AKAP8: variants seen among roughly 807,000 people sequenced by gnomAD.
AKAP8 encodes A-kinase anchor protein 8.
A neutral mutation model predicts 67.5 loss-of-function variants in AKAP8; 24 were observed. The observed-to-expected ratio is 0.36, with a 90% CI of 0.26 to 0.50. AKAP8 has a LOEUF of 0.50. Among genes scored for constraint, AKAP8 ranks in the 20% least tolerant of loss-of-function variants. The pLI is 0.97. For synonymous variants in AKAP8, 400 were observed against 371.1 expected (o/e 1.08, Z -0.90); for missense variants, 971 against 955.9 (o/e 1.02, Z -0.21).
chr19:15,378,841 A>C (rs1045392208), intron 1 of AKAP8, among the ~76,000 whole-genome samples: 2 of 152,212 alleles, frequency 1.3e-5, no homozygotes, highest in Non-Finnish European at 2.9e-5. Flanking sequence ...CAGCTCGAGA[A>C]GATCGGCCCT....
chr19:15,378,272 T>C (rs978870257), intron 1 of AKAP8, among the ~76,000 whole-genome samples: 11 of 152,172 alleles, frequency 7.2e-5, no homozygotes, highest in Admixed American at 7.2e-4. Flanking sequence ...AAAGGCAGAC[T>C]GCAGATTCCA....
rs996544703 is a variant in AKAP8 at position 15,369,988 on chromosome 19, G to A, written c.1072+158C>T. ...GACACTTTGAAGCAAAGTGTTGGCT[G>A]ATCGCCACGGTCAAGGCCCATCTGG... On this transcript the variant is annotated intron_variant, in intron 8 of 13. Transcript: ENST00000269701. This position sits in a 1 kb window ranked among gnomAD's most constrained non-coding sequence, Gnocchi z 4.6. Among the ~76,000 whole-genome samples, 1 of 152,192 alleles carries A rather than the reference G, an allele frequency of 6.6e-6. No individual in the cohort carries two copies. Among genetic ancestry groups the A allele is most frequent in the African/African-American group, 2.4e-5 (1 of 41,436 alleles).
Position 15,379,594 on chromosome 19 carries a change from G to T in AKAP8, c.19+119C>A, listed in dbSNP as rs528372216. ...GCGCGCCCTGGCCGCCTCTCCGGAG[G>T]GCCCAGCTGGGGCAACCACGCTCGG... On this transcript the variant is annotated intron_variant, in intron 1 of 13. Transcript: ENST00000269701. 32 of 1,192,862 alleles carry T rather than the reference G, an allele frequency of 2.7e-5. No individual in the cohort carries two copies. In the South Asian group the frequency reaches 4.1e-4, roughly 15 times the overall value. The allele number at this position is 1,192,862 out of a possible 1,614,324, so 73.9% of individuals were successfully genotyped here.
intron 12 of AKAP8, among the ~76,000 whole-genome samples, 176 bp downstream of exon 12, chr19:15,360,672 C>T (rs1966949787): frequency 6.6e-6 from 1 of 152,212 alleles, no homozygotes; most frequent in African/African-American, 2.4e-5. Context: ...CTAAGCAACA[C>T]ATTTTCTCAC....
In AKAP8 at chr19:15,354,296, A is replaced by G. The variant is rs766451857; in HGVS notation, c.*619T>C. Reference sequence around the variant, plus strand: ...AAGATTGGGACGCAATGCCCTCTGCACAGTCTGGTTCTTGAGGTTGCGGTG... The same window carrying G: ...AAGATTGGGACGCAATGCCCTCTGCGCAGTCTGGTTCTTGAGGTTGCGGTG... On this transcript the variant is annotated 3_prime_UTR_variant, in exon 14 of 14. Transcript: ENST00000269701. 1.3e-5 allele frequency: 2 copies of G among 153,714 alleles called. No individual in the cohort carries two copies. The highest frequency in any genetic ancestry group is 2.9e-5 in the Non-Finnish European group (2 of 69,030). The allele number at this position is 153,714 out of a possible 1,614,324, so 9.5% of individuals were successfully genotyped here. A position where few individuals can be genotyped will look rare whatever the true frequency, so the allele number is the denominator to read the frequency against.
chr19:15,376,315 G>A lies in AKAP8; in HGVS notation c.58+661C>T, dbSNP rs1967251942. 2.0e-5 allele frequency among the ~76,000 whole-genome samples: 3 copies of A among 152,108 alleles called. No homozygotes were observed. The South Asian group carries it at 6.2e-4, about 31-fold the overall frequency. On this transcript the variant is annotated intron_variant, in intron 2 of 13. Coordinates refer to ENST00000269701, the MANE Select transcript of AKAP8 (RefSeq NM_005858.4). ...ATTGATTATGAGGTCAGGAGTTCGA[G>A]ACCAGCTTGGCCAACATGGTAAAAC... is the stretch of plus-strand genomic sequence containing the variant.
intron 3 of AKAP8, among the ~76,000 whole-genome samples, 155 bp downstream of exon 3, chr19:15,374,448 T>G (rs936014034): frequency 1.3e-5 from 2 of 151,810 alleles, no homozygotes; most frequent in Non-Finnish European, 2.9e-5. Context: ...CCCTCTGCAG[T>G]CCCCCCATAT....
intron 2 of AKAP8, 138 bp from the exon 3 acceptor site, chr19:15,374,773 G>GT (rs1967224114): frequency 6.4e-6 from 6 of 930,342 alleles, no homozygotes; most frequent in Non-Finnish European, 8.1e-6. Context: ...ACCCTTGGGT[G>GT]TTTTTAGCTC....
chr19:15,370,694 C>A (rs559642644), intron 7 of AKAP8, among the ~76,000 whole-genome samples: 3 of 120,014 alleles, frequency 2.5e-5, no homozygotes, highest in Non-Finnish European at 4.7e-5. Flanking sequence ...TGCAATGATG[C>A]AATCTCAGCT....
chr19:15,360,132 TA>T (rs912822693), intron 12 of AKAP8, among the ~76,000 whole-genome samples: 5 of 142,156 alleles, frequency 3.5e-5, no homozygotes, highest in Non-Finnish European at 6.1e-5. Flanking sequence ...TGAAACTCCG[TA>T]AAAAAAAAAC....
Position 15,354,867 on chromosome 19 carries a change from C to A in AKAP8, c.*48G>T. 1 of 1,594,348 alleles carries A rather than the reference C, an allele frequency of 6.3e-7. No homozygotes were observed. Among genetic ancestry groups the A allele is most frequent in the South Asian group, 1.1e-5 (1 of 89,526 alleles). ...TGCTTACAAACCAAGGGAGAAAGAC[C>A]AACGCATCCATCATCCCAACGCCTT... On this transcript the variant is annotated 3_prime_UTR_variant, in exon 14 of 14. Transcript: ENST00000269701.
In AKAP8 at chr19:15,359,309, T is replaced by C. The variant is rs567856327; in HGVS notation, c.1528-247A>G. On this transcript the variant is annotated intron_variant, in intron 12 of 13. Transcript: ENST00000269701. ...TGATACCCATGTAGCACATGCAGAA[T>C]TGGGGGTGAAACAAGAGCATTTACA... Among the ~76,000 whole-genome samples, 5 of 152,250 alleles carry C rather than the reference T, an allele frequency of 3.3e-5. No homozygotes were observed. In the South Asian group the frequency reaches 8.3e-4, roughly 25 times the overall value.
At position 15,369,431 on chromosome 19, in the gene AKAP8, G is replaced by A. The variant is rs1477360385; in HGVS notation, c.1072+715C>T. ...GAGGAGCCAGCCTATGATCCTTGGG[G>A]TAACCAGCTACGGAAAGACCCACAG... On this transcript the variant is annotated intron_variant, in intron 8 of 13. Coordinates refer to ENST00000269701, the MANE Select transcript of AKAP8 (RefSeq NM_005858.4). This position sits in a 1 kb window ranked among gnomAD's most constrained non-coding sequence, Gnocchi z 4.6. Among the ~76,000 whole-genome samples, 4 of 152,222 alleles carry A rather than the reference G, an allele frequency of 2.6e-5. No individual in the cohort carries two copies. Among genetic ancestry groups the A allele is most frequent in the Non-Finnish European group, 4.4e-5 (3 of 68,046 alleles).
intron 8 of AKAP8, chr19:15,368,873 A>G: frequency 1.0e-6 from 1 of 985,276 alleles, no homozygotes; most frequent in Non-Finnish European, 1.2e-6. Context: ...AAAACCGTCA[A>G]TCTAGGGCTT....
chr19:15,366,530 C>CT (rs920471999), intron 9 of AKAP8, among the ~76,000 whole-genome samples: 2,369 of 142,408 alleles, frequency 0.017, 25 homozygotes, highest in Middle Eastern at 0.091. Flanking sequence ...CAGTGATTTT[C>CT]TTTTTTTTTT....
chr19:15,372,759 T>G, intron 5 of AKAP8, 92 bp downstream of exon 5: 10 of 1,417,580 alleles, frequency 7.1e-6, no homozygotes, highest in Non-Finnish European at 9.2e-6. Context: ...TTAAAAACAT[T>G]TAAGTGAATG....
chr19:15,361,666 A>C, intron 11 of AKAP8, 63 bp downstream of exon 11: 1 of 1,473,128 alleles, frequency 6.8e-7, no homozygotes, highest in Non-Finnish European at 9.5e-7. Context: ...GCCACGTTTT[A>C]CGGGTCCTGT....
chr19:15,372,955 C>G lies in AKAP8; in HGVS notation c.757G>C (p.Ala253Pro), dbSNP rs1243066328. 6.4e-7 allele frequency: 1 copy of G among 1,553,596 alleles called. No homozygotes were observed. The highest frequency in any genetic ancestry group is 1.9e-5 in the Admixed American group (1 of 51,490). ...ATGCCCATCACGCCGTAGTCGGGAG[C>G]CATGGACTGGGAGAAGAGGGACGGA... ...PPPSLFSQSMAPDYGVMGMQG... is the reference protein window; with the variant it reads ...PPPSLFSQSMPPDYGVMGMQG... Residue 253 changes from alanine to proline, a missense_variant, in exon 5 of 14, where the codon GCT (alanine) becomes CCT (proline). Around this residue, in one of 3 missense-constraint regions of AKAP8, gnomAD observed 763 missense variants for 745.4 expected, o/e 1.02. Transcript: ENST00000269701.
chr19:15,361,742 T>C lies in AKAP8; in HGVS notation c.1383A>G (p.Pro461=), dbSNP rs1966970110. The change falls in exon 11 of 14, where the codon CCA becomes CCG. Residue 461 remains proline (P), a synonymous_variant. Coordinates refer to ENST00000269701, the MANE Select transcript of AKAP8 (RefSeq NM_005858.4). ...ATGACAACTCACCTTTGAAAGGATC[T>C]GGTTTTGGTTTTGCGGTTTCTTTCT... The part of the protein sequence containing the change: ...LMEKETAKPK[P]DPFKGIGQEH... 1.2e-6 allele frequency: 2 copies of C among 1,612,668 alleles called. No individual in the cohort carries two copies. Among genetic ancestry groups the C allele is most frequent in the Non-Finnish European group, 8.5e-7 (1 of 1,178,728 alleles).
Sources: gnomAD v4.1 joint callset for allele counts (sites outside exome capture counted in the v4.1 genomes callset) on GRCh38, gnomAD v4.1.1 for gene constraint, gnomAD v4.1.1 regional missense constraint, Gnocchi (gnomAD v3.1) non-coding constraint, MANE v1.5 for transcripts, NCBI Gene and HGNC (gene_info 2026-07-23, HGNC 2026-07-21) for gene names.